Variants in PDE4B observed in about 807,000 individuals in gnomAD.
PDE4B encodes the protein 3',5'-cyclic-AMP phosphodiesterase 4B.
Under a neutral mutation model 82.2 loss-of-function variants are expected in PDE4B, and 20 were observed. The observed-to-expected ratio is 0.24, with a 90% CI of 0.17 to 0.35. The LOEUF (loss-of-function observed/expected upper bound fraction) is 0.35. Among genes scored for constraint, PDE4B ranks in the 10% least tolerant of loss-of-function variants. PDE4B has a pLI of 1.00. For synonymous variants in PDE4B, 320 were observed against 318.9 expected (o/e 1.00, Z -0.04); for missense variants, 655 against 907.2 (o/e 0.72, Z 3.57).
chr1:66,338,281 T>C (rs2101939342), intron 8 of PDE4B, among the ~76,000 whole-genome samples: 1 of 152,344 alleles, frequency 6.6e-6, no homozygotes, highest in Middle Eastern at 3.4e-3. Flanking sequence ...CAATGAGGCA[T>C]ATAAAGAAAG....
At chr1:65,864,953 C>T (rs2840676) in intron 1 of PDE4B, among the ~76,000 whole-genome samples, 80,237 of 152,008 alleles carry the variant, frequency 0.53, 21,406 homozygotes, top group Non-Finnish European at 0.57. Context: ...CAGGCAGGAA[C>T]GTTTAAGTCC....
chr1:66,188,728 C>T (rs538344929), intron 3 of PDE4B, among the ~76,000 whole-genome samples: 3 of 151,728 alleles, frequency 2.0e-5, no homozygotes, highest in Admixed American at 2.0e-4. Flanking sequence ...CTATGTGTGT[C>T]TCTGCACATG....
intron 3 of PDE4B, among the ~76,000 whole-genome samples, chr1:66,055,615 T>C (rs1468770606): frequency 6.6e-6 from 1 of 152,220 alleles, no homozygotes. Flanking sequence ...ATCCCACTCT[T>C]TCCTTCTATA....
At chr1:66,264,839 C>T (rs1654920663) in intron 6 of PDE4B, among the ~76,000 whole-genome samples, 1 of 152,240 alleles carries the variant, frequency 6.6e-6, no homozygotes, top group Admixed American at 6.5e-5. Flanking sequence ...GCTTCGTTCT[C>T]ACGCTTGCCT....
chr1:66,069,548 T>C (rs10493394), intron 3 of PDE4B, among the ~76,000 whole-genome samples: 12,354 of 152,076 alleles, frequency 0.081, 926 homozygotes, highest in East Asian at 0.26. Flanking sequence ...GCTCTGATTA[T>C]CTACAGTTCT....
chr1:66,277,585 G>A (rs1281658867), intron 7 of PDE4B, among the ~76,000 whole-genome samples: 1 of 151,964 alleles, frequency 6.6e-6, no homozygotes, highest in Admixed American at 6.6e-5. Context: ...TAGTAGAGAT[G>A]GGGTTTCACT....
chr1:66,070,439 C>G (rs1056648777), intron 3 of PDE4B, among the ~76,000 whole-genome samples: 13 of 151,818 alleles, frequency 8.6e-5, no homozygotes, highest in Admixed American at 6.6e-4. Context: ...GAGTGGGAAG[C>G]TGGGGGCGGT....
intron 1 of PDE4B, among the ~76,000 whole-genome samples, chr1:65,796,369 TTTG>T (rs1454643477): frequency 1.3e-5 from 2 of 152,008 alleles, no homozygotes; most frequent in Admixed American, 6.5e-5. Context: ...AGTTGGATCT[TTTG>T]TTGTTGTCCT....
At chr1:66,224,024 A>G (rs1373771227) in intron 3 of PDE4B, among the ~76,000 whole-genome samples, 1 of 152,062 alleles carries the variant, frequency 6.6e-6, no homozygotes, top group East Asian at 1.9e-4. Context: ...TTCCACATCA[A>G]CTAAGCCATC....
chr1:65,950,466 G>A (rs1347702749), intron 3 of PDE4B, among the ~76,000 whole-genome samples: 1 of 152,030 alleles, frequency 6.6e-6, no homozygotes, highest in Non-Finnish European at 1.5e-5. Flanking sequence ...TCAGGTTAGG[G>A]ATCCTTGTTT....
chr1:65,802,558 A>C (rs954298994), intron 1 of PDE4B, among the ~76,000 whole-genome samples: 2 of 152,182 alleles, frequency 1.3e-5, no homozygotes, highest in Admixed American at 1.3e-4. Context: ...GTCTGGAAAA[A>C]TTGGTACCTC....
chr1:66,366,028 G>T (rs1217528929), intron 13 of PDE4B, among the ~76,000 whole-genome samples: 1 of 152,118 alleles, frequency 6.6e-6, no homozygotes, highest in Non-Finnish European at 1.5e-5. Context: ...TGTAAGGAAA[G>T]AATAATAGAT....
Position 66,195,951 on chromosome 1 carries a change from G to A in PDE4B, c.282-51509G>A, listed in dbSNP as rs570451599. 8.6e-5 allele frequency among the ~76,000 whole-genome samples: 13 copies of A among 150,468 alleles called. No individual in the cohort carries two copies. The South Asian group carries it at 1.9e-3, about 22-fold the overall frequency. On this transcript the variant is annotated intron_variant, in intron 3 of 16. Transcript: ENST00000341517. ...TTCTTCACCTATTTTGTTAGTGGTC[G>A]TTGGCTGGCTGATATGATTTACAAA...
At chr1:65,922,753 C>T (rs1184273561) in intron 3 of PDE4B, among the ~76,000 whole-genome samples, 1 of 152,186 alleles carries the variant, frequency 6.6e-6, no homozygotes, top group Non-Finnish European at 1.5e-5. Flanking sequence ...TATTCATTCT[C>T]TCTGGGAAAT....
intron 3 of PDE4B, among the ~76,000 whole-genome samples, chr1:66,115,918 T>C (rs1381651718): frequency 1.3e-5 from 2 of 152,208 alleles, no homozygotes; most frequent in African/African-American, 4.8e-5. Context: ...TTGTACGTAA[T>C]CCTCCTTCTT....
chr1:65,857,445 G>A (rs748018876), intron 1 of PDE4B, among the ~76,000 whole-genome samples: 1 of 151,826 alleles, frequency 6.6e-6, no homozygotes, highest in Non-Finnish European at 1.5e-5. Flanking sequence ...TTATTTTTTA[G>A]AGCCAGGGTC....
chr1:66,173,403 T>A (rs1646874952), intron 3 of PDE4B, among the ~76,000 whole-genome samples: 1 of 152,126 alleles, frequency 6.6e-6, no homozygotes, highest in South Asian at 2.1e-4. Context: ...CTGGTCAGGG[T>A]GTTTCCCATA....
At chr1:66,235,540 A>G (rs756113645) in intron 3 of PDE4B, among the ~76,000 whole-genome samples, 1 of 152,042 alleles carries the variant, frequency 6.6e-6, no homozygotes, top group African/African-American at 2.4e-5. Context: ...TAGTGTTATC[A>G]TAGTTTATCT....
intron 7 of PDE4B, among the ~76,000 whole-genome samples, chr1:66,287,681 A>G (rs1656777188): frequency 6.6e-6 from 1 of 152,162 alleles, no homozygotes; most frequent in Non-Finnish European, 1.5e-5. Context: ...TAAGGACAAT[A>G]ATATCGCCTA....
Sources: allele counts gnomAD v4.1 joint callset (sites outside exome capture counted in the v4.1 genomes callset), GRCh38; gene constraint gnomAD v4.1.1; transcripts MANE v1.5; gene names NCBI Gene and HGNC (gene_info 2026-07-23, HGNC 2026-07-21).